Variants in CDCA8 observed in about 807,000 individuals in gnomAD.
CDCA8 encodes the protein cell division cycle associated 8.
A neutral mutation model predicts 40.0 loss-of-function variants in CDCA8; 25 were observed. That is an observed-to-expected ratio of 0.63 (90% CI 0.46 to 0.87). CDCA8 has a LOEUF of 0.87. Ranked by LOEUF, CDCA8 falls within the 40% of genes least tolerant of loss-of-function variation. CDCA8 has a pLI of 0.00. For missense variants in CDCA8, 280 were observed against 348.4 expected (o/e 0.80, Z 1.56); for synonymous variants, 111 against 126.5 (o/e 0.88, Z 0.82).
intron 8 of CDCA8, 96 bp from the exon 9 acceptor site, chr1:37,706,882 G>C (rs532154355): frequency 8.8e-5 from 77 of 875,956 alleles, no homozygotes; most frequent in Non-Finnish European, 1.3e-4. Flanking sequence ...CTCCATCCCA[G>C]CCATTCCCCA....
At chr1:37,703,387 A>G (rs1002935745) in intron 7 of CDCA8, 40 bp downstream of exon 7, 1 of 1,373,332 alleles carries the variant, frequency 7.3e-7, no homozygotes. Context: ...ATGGGACTCC[A>G]ACATTGAGCA....
intron 2 of CDCA8, among the ~76,000 whole-genome samples, chr1:37,695,566 C>G (rs1038454755): frequency 1.6e-4 from 25 of 151,784 alleles, no homozygotes; most frequent in Non-Finnish European, 3.1e-4. Flanking sequence ...GGTGACAGAG[C>G]AAGACTCTGT....
intron 9 of CDCA8, among the ~76,000 whole-genome samples, chr1:37,707,746 A>G (rs1474607573): frequency 6.6e-6 from 1 of 152,248 alleles, no homozygotes; most frequent in Non-Finnish European, 1.5e-5. Context: ...GTTTGAGCCC[A>G]TGAGTTCAAG....
At chr1:37,702,063 G>A (rs747111538) in intron 6 of CDCA8, among the ~76,000 whole-genome samples, 1 of 135,580 alleles carries the variant, frequency 7.4e-6, no homozygotes, top group Non-Finnish European at 1.6e-5. Context: ...TTTTTGAGAC[G>A]GAGTTTCAAT....
At position 37,703,374 on chromosome 1, in the gene CDCA8, T is replaced by G. The variant is rs12139097; in HGVS notation, c.584+27T>G. The G allele has an allele frequency of 0.027, 39,494 of 1,484,962 alleles. 635 individuals carry two copies. The highest frequency in any genetic ancestry group is 0.03 in the Non-Finnish European group (31,906 of 1,062,040). The allele number at this position is 1,484,962 out of a possible 1,614,324, so 92.0% of individuals were successfully genotyped here. On this transcript the variant is annotated intron_variant, in intron 7 of 9. Coordinates refer to ENST00000373055, the MANE Select transcript of CDCA8 (RefSeq NM_001256875.2). Reference sequence around the variant, plus strand: ...TGAGTATCGAGGGAAACACTTGGATTTGATGGGACTCCAACATTGAGCACT... The same window carrying G: ...TGAGTATCGAGGGAAACACTTGGATGTGATGGGACTCCAACATTGAGCACT...
intron 6 of CDCA8, among the ~76,000 whole-genome samples, chr1:37,702,754 C>A (rs1645573394): frequency 6.6e-6 from 1 of 152,096 alleles, no homozygotes; most frequent in Non-Finnish European, 1.5e-5. Context: ...GAGTTTGAGA[C>A]CCGCCTGGCC....
chr1:37,705,685 T>G (rs1173753265), intron 8 of CDCA8, 118 bp downstream of exon 8: 2 of 1,171,040 alleles, frequency 1.7e-6, no homozygotes, highest in East Asian at 2.4e-5. Context: ...GGTCCTGATC[T>G]CCACACTTCT....
At chr1:37,701,911 T>C in intron 6 of CDCA8, 93 bp downstream of exon 6, 2 of 927,870 alleles carry the variant, frequency 2.2e-6, no homozygotes, top group African/African-American at 3.3e-5. Context: ...AAGGCTCTGG[T>C]GGCTAGTGTT....
intron 6 of CDCA8, among the ~76,000 whole-genome samples, chr1:37,702,600 G>A (rs1465511646): frequency 6.6e-6 from 1 of 152,130 alleles, no homozygotes; most frequent in African/African-American, 2.4e-5. Context: ...CCTGGCACAA[G>A]GACAGAATTC....
At chr1:37,692,841 G>T in intron 1 of CDCA8, 57 bp downstream of exon 1, 1 of 1,612,706 alleles carries the variant, frequency 6.2e-7, no homozygotes, top group Non-Finnish European at 8.5e-7. Flanking sequence ...TGGCGGGTGG[G>T]GACACGAGCT....
At chr1:37,703,481 C>T (rs1028532846) in intron 7 of CDCA8, 134 bp downstream of exon 7, 9 of 688,788 alleles carry the variant, frequency 1.3e-5, no homozygotes, top group African/African-American at 1.2e-4. Context: ...TTTGAGAGGC[C>T]GAGGCAGGCG....
In CDCA8 at chr1:37,692,988, C is replaced by T; in HGVS notation, c.178C>T (p.Arg60Trp). The T allele has an allele frequency of 1.2e-6, 2 of 1,614,020 alleles. No individual in the cohort carries two copies. Among genetic ancestry groups the T allele is most frequent in the Non-Finnish European group, 1.7e-6 (2 of 1,179,930 alleles). ...TAACCTCTACAACATCGAGATCCTG[C>T]GGCTCCCCAAGGCTCTGCGCGAGAT... ...VDNLYNIEILRLPKALREMNW... is the reference protein window; with the variant it reads ...VDNLYNIEILWLPKALREMNW... Residue 60 changes from arginine (R) to tryptophan (W), a missense_variant, in exon 2 of 10, where the codon CGG becomes TGG. Arg to Trp is a moderately radical substitution (Grantham distance 101). Coordinates refer to ENST00000373055, the MANE Select transcript of CDCA8 (RefSeq NM_001256875.2).
rs1236300790 is a variant in CDCA8 at position 37,708,470 on chromosome 1, G to A, written c.*104G>A. 19 of 1,122,422 alleles carry A rather than the reference G, an allele frequency of 1.7e-5. No homozygotes were observed. Among genetic ancestry groups the A allele is most frequent in the Non-Finnish European group, 2.3e-5 (17 of 738,900 alleles). The allele number at this position is 1,122,422 out of a possible 1,614,324, so 69.5% of individuals were successfully genotyped here. A position where few individuals can be genotyped will look rare whatever the true frequency, so the allele number is the denominator to read the frequency against. On this transcript the variant is annotated 3_prime_UTR_variant, in exon 10 of 10. Transcript: ENST00000373055. Reference sequence around the variant, plus strand: ...TTTGAGTGTGAAGTTCCAGAGCAAGGAGCCATGTTCCTCTAAGGGAATTCA... The same window carrying A: ...TTTGAGTGTGAAGTTCCAGAGCAAGAAGCCATGTTCCTCTAAGGGAATTCA...
At chr1:37,699,574 AAAAG>A (rs1253672078) in intron 4 of CDCA8, among the ~76,000 whole-genome samples, 3 of 142,502 alleles carry the variant, frequency 2.1e-5, no homozygotes, top group Non-Finnish European at 4.5e-5. Context: ...TCTGAAAAAA[AAAAG>A]AAAGAAAGAA....
intron 2 of CDCA8, among the ~76,000 whole-genome samples, chr1:37,694,563 T>C (rs1413666867): frequency 2.6e-5 from 4 of 152,222 alleles, no homozygotes; most frequent in Admixed American, 6.5e-5. Flanking sequence ...ACAAAGGAGA[T>C]AGAATAGAGT....
chr1:37,700,880 AT>A (rs1645558681), intron 5 of CDCA8, among the ~76,000 whole-genome samples: 1 of 152,208 alleles, frequency 6.6e-6, no homozygotes, highest in African/African-American at 2.4e-5. Flanking sequence ...TGCTGACACT[AT>A]AGAATGAAGG....
rs761497973 is a variant in CDCA8 at position 37,701,750 on chromosome 1, G to A, written c.424-4G>A. ...ACCTTAGTCTCATTTGATTGTGACT[G>A]CAGGTCAAAAGGTGTCCTCCATCCA... On this transcript the variant is annotated splice_region_variant and splice_polypyrimidine_tract_variant and intron_variant, in intron 5 of 9. Transcript: ENST00000373055. The A allele has an allele frequency of 3.7e-6, 6 of 1,607,212 alleles. No individual in the cohort carries two copies. Among genetic ancestry groups the A allele is most frequent in the South Asian group, 2.2e-5 (2 of 90,820 alleles).
chr1:37,695,967 A>T lies in CDCA8; in HGVS notation c.264+17A>T. 1 of 1,612,964 alleles carries T rather than the reference A, an allele frequency of 6.2e-7. No homozygotes were observed. The highest frequency in any genetic ancestry group is 8.5e-7 in the Non-Finnish European group (1 of 1,179,000). On this transcript the variant is annotated intron_variant, in intron 3 of 9. Coordinates refer to ENST00000373055, the MANE Select transcript of CDCA8 (RefSeq NM_001256875.2). The stretch of plus-strand genomic sequence containing the variant: ...GCGGCAACAGTAAGTGACCTTTCCT[A>T]TTTTCCAGCCAGTGGTTACTTAAGT...
At chr1:37,708,273 G>C in intron 9 of CDCA8, 49 bp from the exon 10 acceptor site, 2 of 1,587,424 alleles carry the variant, frequency 1.3e-6, no homozygotes, top group Non-Finnish European at 1.7e-6. Context: ...CAAGGGGCAA[G>C]CCTGCCAAGT....
Sources: gnomAD v4.1 joint callset for allele counts (sites outside exome capture counted in the v4.1 genomes callset) on GRCh38, gnomAD v4.1.1 for gene constraint, MANE v1.5 for transcripts, NCBI Gene and HGNC (gene_info 2026-07-23, HGNC 2026-07-21) for gene names.